The following RIN3 variants were observed in gnomAD, a reference collection of about 807,000 sequenced individuals.
The protein encoded by RIN3 is RAB5 interacting protein 3.
A neutral mutation model predicts 76.3 loss-of-function variants in RIN3; 54 were observed. The ratio of observed to expected loss-of-function variants is 0.71; its 90% confidence interval spans 0.57 to 0.89. The LOEUF (loss-of-function observed/expected upper bound fraction) is 0.89, where lower values mean the gene tolerates loss of function less well. Ranked by LOEUF, RIN3 falls within the 40% of genes least tolerant of loss-of-function variation. RIN3 has a pLI of 0.00. For missense variants in RIN3, 1,256 were observed against 1,322.1 expected (o/e 0.95, Z 0.78); for synonymous variants, 576 against 564.0 (o/e 1.02, Z -0.30).
rs1790466398 is a variant in RIN3, at chr14:92,648,402, A to G, written c.533-3180A>G. Among the ~76,000 whole-genome samples the G allele has an allele frequency of 6.6e-6, 1 of 152,230 alleles. No homozygotes were observed. Among genetic ancestry groups the G allele is most frequent in the Admixed American group, 6.5e-5 (1 of 15,290 alleles). ...CTTCTGTTCTGTGCCTAATGGAGCC[A>G]TCCTGTCCCGTGGCAGGCTGCCCGG... On this transcript the variant is annotated intron_variant, in intron 5 of 9. Coordinates refer to ENST00000216487, the MANE Select transcript of RIN3 (RefSeq NM_024832.5). The surrounding 1 kb of genome is among the most constrained non-coding windows in gnomAD (Gnocchi z 4.1).
At position 92,688,436 on chromosome 14, in the gene RIN3, C is replaced by CA; in HGVS notation, c.*186dup. On this transcript the variant is annotated 3_prime_UTR_variant, in exon 10 of 10. Transcript: ENST00000216487. ...CTCGTCCAAGGCCACTTCCTGAGGG[C>CA]AAGTCCTAATAGCCCTGAGACACCG... 1 of 610,576 alleles carries CA rather than the reference C, an allele frequency of 1.6e-6. No individual in the cohort carries two copies. Among genetic ancestry groups the CA allele is most frequent in the Non-Finnish European group, 2.8e-6 (1 of 353,220 alleles). The allele number at this position is 610,576 out of a possible 1,614,324, so 37.8% of individuals were successfully genotyped here. A position where few individuals can be genotyped will look rare whatever the true frequency, so the allele number is the denominator to read the frequency against.
At chr14:92,592,609 AAT>A (rs1374053008) in intron 3 of RIN3, among the ~76,000 whole-genome samples, 1 of 150,712 alleles carries the variant, frequency 6.6e-6, no homozygotes, top group African/African-American at 2.4e-5. Context: ...GTACTATGTA[AAT>A]AGTTGTTATA....
chr14:92,574,027 C>T (rs1234232391), intron 2 of RIN3, among the ~76,000 whole-genome samples: 1 of 152,228 alleles, frequency 6.6e-6, no homozygotes, highest in Non-Finnish European at 1.5e-5. Flanking sequence ...TCCAGGCAGG[C>T]ACCACCCCCA....
intron 7 of RIN3, among the ~76,000 whole-genome samples, chr14:92,671,286 A>G (rs1388541312): frequency 6.6e-6 from 1 of 151,854 alleles, no homozygotes; most frequent in Non-Finnish European, 1.5e-5. Flanking sequence ...GGAGAGCACA[A>G]GAAGTTGATA....
At position 92,685,481 on chromosome 14, in the gene RIN3, T is replaced by A. The variant is rs1178887824; in HGVS notation, c.2631+331T>A. ...TGCAGGGGCTGGAGATGGGGACTTG[T>A]CATCCCAGTCCCTGCTTTAAGGAGC... On this transcript the variant is annotated intron_variant, in intron 9 of 9. Transcript: ENST00000216487. The surrounding 1 kb of genome is among the most constrained non-coding windows in gnomAD (Gnocchi z 4.7). 1.1e-5 allele frequency: 3 copies of A among 267,662 alleles called. No homozygotes were observed. Among genetic ancestry groups the A allele is most frequent in the African/African-American group, 6.4e-5 (3 of 46,732 alleles). The allele number at this position is 267,662 out of a possible 1,614,324, so 16.6% of individuals were successfully genotyped here.
At chr14:92,603,303 G>T (rs1024611059) in intron 3 of RIN3, among the ~76,000 whole-genome samples, 5 of 152,052 alleles carry the variant, frequency 3.3e-5, no homozygotes, top group African/African-American at 1.2e-4. Context: ...TTTCCCAATC[G>T]GCATCCTCTT....
intron 7 of RIN3, among the ~76,000 whole-genome samples, chr14:92,665,320 A>G (rs1423157230): frequency 6.7e-6 from 1 of 149,898 alleles, no homozygotes; most frequent in Non-Finnish European, 1.5e-5. Flanking sequence ...TCCATCATTG[A>G]CCAAAAGTTC....
chr14:92,612,068 A>G (rs1201161274), intron 3 of RIN3, among the ~76,000 whole-genome samples: 1 of 152,200 alleles, frequency 6.6e-6, no homozygotes, highest in Non-Finnish European at 1.5e-5. Flanking sequence ...TAACCCATTC[A>G]TGAAGGACCC....
At chr14:92,587,765 G>A (rs1164901245) in intron 3 of RIN3, among the ~76,000 whole-genome samples, 1 of 151,940 alleles carries the variant, frequency 6.6e-6, no homozygotes, top group Non-Finnish European at 1.5e-5. Context: ...GTGCTTCCTG[G>A]GCTTCCTGTC....
intron 3 of RIN3, among the ~76,000 whole-genome samples, chr14:92,583,520 C>T (rs75277622): frequency 0.041 from 6,258 of 152,106 alleles, 177 homozygotes; most frequent in Non-Finnish European, 0.064. Flanking sequence ...GTTTCCACAT[C>T]CACGGATTTA....
chr14:92,671,046 T>C (rs981970285), intron 7 of RIN3, among the ~76,000 whole-genome samples: 4 of 152,170 alleles, frequency 2.6e-5, no homozygotes, highest in African/African-American at 9.7e-5. Flanking sequence ...AGAACACACA[T>C]GGGACATAGT....
Position 92,615,457 on chromosome 14 carries a change from A to T in RIN3, c.418A>T (p.Ile140Phe). Reference protein sequence around the residue: ...ALVFEDIFRLIAFYCVSRDLL... With the variant: ...ALVFEDIFRLFAFYCVSRDLL... ...TGTGTTTGAGGACATCTTCAGATTG[A>T]TTGCGTTCTACTGTGTCAGTAGGTG... is the stretch of plus-strand genomic sequence containing the variant. The change falls in exon 4 of 10, where the codon ATT (isoleucine) becomes TTT (phenylalanine). Residue 140 changes from isoleucine to phenylalanine, a missense_variant. Coordinates refer to ENST00000216487, the MANE Select transcript of RIN3 (RefSeq NM_024832.5). 2 of 1,614,064 alleles carry T rather than the reference A, an allele frequency of 1.2e-6. No individual in the cohort carries two copies. Among genetic ancestry groups the T allele is most frequent in the Non-Finnish European group, 1.7e-6 (2 of 1,179,974 alleles).
chr14:92,557,085 G>A (rs1052852665), intron 2 of RIN3, among the ~76,000 whole-genome samples: 6 of 152,114 alleles, frequency 3.9e-5, no homozygotes, highest in Non-Finnish European at 7.3e-5. Context: ...CGTTGCATGC[G>A]GTACGTCTGT....
intron 5 of RIN3, among the ~76,000 whole-genome samples, chr14:92,650,068 C>G (rs1023769342): frequency 6.6e-6 from 1 of 152,234 alleles, no homozygotes; most frequent in Non-Finnish European, 1.5e-5. Flanking sequence ...TTGGCTGCTC[C>G]AGGCCATCTT....
rs1897112907 is a variant in RIN3, at chr14:92,540,685, A to C, written c.45-15066A>C. On this transcript the variant is annotated intron_variant, in intron 1 of 9. Transcript: ENST00000216487. ...GGCTCAGCTTCACACACGTCTAGGAAGAAGGATCTGGCAGACACAAAGCCA... is the reference window on the plus strand; with the variant it reads ...GGCTCAGCTTCACACACGTCTAGGACGAAGGATCTGGCAGACACAAAGCCA... Among the ~76,000 whole-genome samples the C allele has an allele frequency of 1.3e-5, 2 of 152,138 alleles. 1 individual carries two copies. The highest frequency in any genetic ancestry group is 4.1e-4 in the South Asian group (2 of 4,834).
At chr14:92,632,701 C>G (rs918832226) in intron 4 of RIN3, among the ~76,000 whole-genome samples, 23 of 152,198 alleles carry the variant, frequency 1.5e-4, no homozygotes, top group African/African-American at 4.8e-4. Flanking sequence ...GTGCTGCCCC[C>G]ACTCCAGCCG....
At chr14:92,662,351 C>T (rs539986697) in intron 7 of RIN3, among the ~76,000 whole-genome samples, 1 of 152,326 alleles carries the variant, frequency 6.6e-6, no homozygotes, top group South Asian at 2.1e-4. Context: ...TGGGAACAGC[C>T]TCGGGGAGAG....
In RIN3 at chr14:92,644,052, T is replaced by C. The variant is rs1040404910; in HGVS notation, c.532+2723T>C. On this transcript the variant is annotated intron_variant, in intron 5 of 9. Coordinates refer to ENST00000216487, the MANE Select transcript of RIN3 (RefSeq NM_024832.5). ...GGTTCTTGAGCAGCTATGTGAAACA[T>C]GCTCTCCTTTTCCCTGAAGAAATCC... Among the ~76,000 whole-genome samples the C allele has an allele frequency of 2.0e-5, 3 of 152,208 alleles. No homozygotes were observed. In the South Asian group the frequency reaches 6.2e-4, roughly 31 times the overall value.
intron 7 of RIN3, among the ~76,000 whole-genome samples, chr14:92,660,827 G>C (rs975732851): frequency 6.6e-6 from 1 of 152,174 alleles, no homozygotes; most frequent in Non-Finnish European, 1.5e-5. Flanking sequence ...ACAAGAACAG[G>C]CATCACTGCA....
Sources: gnomAD v4.1 joint callset for allele counts (sites outside exome capture counted in the v4.1 genomes callset) on GRCh38, gnomAD v4.1.1 for gene constraint, Gnocchi (gnomAD v3.1) non-coding constraint, MANE v1.5 for transcripts, NCBI Gene and HGNC (gene_info 2026-07-23, HGNC 2026-07-21) for gene names.